Variants in DNAH11 observed in about 807,000 individuals in gnomAD.
The protein encoded by DNAH11 is axonemal beta dynein heavy chain 11.
In DNAH11, 442 loss-of-function variants were observed where a neutral mutation model predicts 526.0. The observed-to-expected ratio is 0.84, with a 90% CI of 0.78 to 0.91. DNAH11 has a LOEUF of 0.91. Among genes scored for constraint, DNAH11 ranks in the 40% least tolerant of loss-of-function variants. The pLI is 0.00. For synonymous variants in DNAH11, 2,461 were observed against 1,935.9 expected (o/e 1.27, Z -7.12); for missense variants, 6,989 against 5,448.7 (o/e 1.28, Z -8.90).
At chr7:21,722,984 A>AT (rs1784941388) in intron 44 of DNAH11, among the ~76,000 whole-genome samples, 1 of 152,156 alleles carries the variant, frequency 6.6e-6, no homozygotes, top group Non-Finnish European at 1.5e-5. Flanking sequence ...CCCCCTAGTT[A>AT]TATAAGCTAG....
chr7:21,679,232 G>A (rs1268331772), intron 30 of DNAH11, among the ~76,000 whole-genome samples: 4 of 152,110 alleles, frequency 2.6e-5, no homozygotes, highest in Non-Finnish European at 5.9e-5. Flanking sequence ...GTTACCAGAG[G>A]ATAGGGATGG....
intron 55 of DNAH11, among the ~76,000 whole-genome samples, chr7:21,765,937 C>G (rs1314539717): frequency 4.6e-5 from 7 of 152,126 alleles, no homozygotes; most frequent in Admixed American, 4.6e-4. Flanking sequence ...GATTATAAAT[C>G]CTTTAAGTCC....
chr7:21,898,089 TC>T (rs1291117804), intron 79 of DNAH11, among the ~76,000 whole-genome samples: 2 of 152,240 alleles, frequency 1.3e-5, no homozygotes, highest in African/African-American at 2.4e-5. Flanking sequence ...TCCTACCTGA[TC>T]CCTTCTAAGT....
rs1562615761 is a variant in DNAH11 at position 21,901,557 on chromosome 7, A to C, written c.*303A>C. 4.5e-6 allele frequency: 1 copy of C among 221,414 alleles called. No individual in the cohort carries two copies. Among genetic ancestry groups the C allele is most frequent in the South Asian group, 1.8e-4 (1 of 5,602 alleles). 13.7% of individuals were successfully genotyped at this position (221,414 alleles called of 1,614,324 possible). ...GCACTCCCTCCTGGGCAACAGAACA[A>C]GACTCCATCTCAAAAAAAAAAAAGT... is the stretch of plus-strand genomic sequence containing the variant. On this transcript the variant is annotated 3_prime_UTR_variant, in exon 82 of 82. Transcript: ENST00000409508.
intron 28 of DNAH11, among the ~76,000 whole-genome samples, chr7:21,640,276 T>A (rs949962551): frequency 6.6e-6 from 1 of 152,254 alleles, no homozygotes; most frequent in Non-Finnish European, 1.5e-5. Flanking sequence ...AAAACTATTT[T>A]GAAACATAAT....
At chr7:21,808,583 T>G (rs1226904475) in intron 63 of DNAH11, among the ~76,000 whole-genome samples, 1 of 152,178 alleles carries the variant, frequency 6.6e-6, no homozygotes, top group Non-Finnish European at 1.5e-5. Context: ...CATTCTACTC[T>G]CTACCTCCAT....
At position 21,561,138 on chromosome 7, in the gene DNAH11, C is replaced by G. The variant is rs1344091460; in HGVS notation, c.950C>G (p.Thr317Ser). The G allele has an allele frequency of 6.3e-7, 1 of 1,599,874 alleles. No individual in the cohort carries two copies. Among genetic ancestry groups the G allele is most frequent in the Non-Finnish European group, 8.5e-7 (1 of 1,172,630 alleles). Residue 317 changes from threonine to serine, a missense_variant, in exon 5 of 82, where the codon ACT becomes AGT. By Grantham distance (58) the Thr-to-Ser change is moderately conservative. Coordinates refer to ENST00000409508, the MANE Select transcript of DNAH11 (RefSeq NM_001277115.2). ...LTTKQSSYFP[T>S]LKDIFLAVEN... ...ACTAAACAAAGCAGCTATTTTCCTA[C>G]TCTGAAGGACATTTTTCTGGCTGTG...
At chr7:21,707,646 C>T (rs1784320258) in intron 39 of DNAH11, 53 bp from the exon 40 acceptor site, 6 of 1,572,714 alleles carry the variant, frequency 3.8e-6, no homozygotes, top group Non-Finnish European at 5.2e-6. Context: ...TTTTACTTTC[C>T]ATTTGGCTTA....
chr7:21,565,078 T>G (rs1017724920), intron 6 of DNAH11, among the ~76,000 whole-genome samples: 1 of 152,190 alleles, frequency 6.6e-6, no homozygotes, highest in Non-Finnish European at 1.5e-5. Context: ...CTTAATCTTC[T>G]CAGGCTGCCA....
chr7:21,728,237 CTTTTTTTTTTTTTTTTTTTTTTTTTT>C (rs71026816), intron 45 of DNAH11, among the ~76,000 whole-genome samples: 1 of 58,870 alleles, frequency 1.7e-5, no homozygotes. Context: ...GCCCACAATT[CTTTTTTTTTTTTTTTTTTTTTTTTTT>C]TTTTTTTTTT....
Position 21,591,321 on chromosome 7 carries a change from C to T in DNAH11, c.2411C>T (p.Thr804Ile), listed in dbSNP as rs1414145192. Residue 804 changes from threonine to isoleucine, a missense_variant, in exon 14 of 82, where the codon ACA (threonine) becomes ATA (isoleucine). By Grantham distance (89) the Thr-to-Ile change is moderately conservative. Transcript: ENST00000409508. ...CTGACAGCAGCCACAACGTGGCTGA[C>T]ATGGCAGGATGACTGCTGGGGCTAC... ...EQLTAATTWL[T>I]WQDDCWGYIE... is the part of the protein sequence containing the mutation. The T allele has an allele frequency of 1.2e-6, 2 of 1,613,776 alleles. No individual in the cohort carries two copies. Among genetic ancestry groups the T allele is most frequent in the Non-Finnish European group, 1.7e-6 (2 of 1,179,852 alleles).
intron 20 of DNAH11, among the ~76,000 whole-genome samples, chr7:21,608,477 G>A (rs1785389286): frequency 6.6e-6 from 1 of 152,138 alleles, no homozygotes; most frequent in Non-Finnish European, 1.5e-5. Flanking sequence ...GGATGCGGCT[G>A]ACAGAGCCCT....
rs78399955 is a variant in DNAH11, at chr7:21,705,611, A to G, written c.6546+74A>G. On this transcript the variant is annotated intron_variant, in intron 39 of 81. Transcript: ENST00000409508. ...GTCATTGTGGTTCGGCCTATTTTCAATGCTACTCAAAAGAATTCCCCTCCA... is the reference window on the plus strand; with the variant it reads ...GTCATTGTGGTTCGGCCTATTTTCAGTGCTACTCAAAAGAATTCCCCTCCA... 2.0e-4 allele frequency: 283 copies of G among 1,448,668 alleles called. 1 individual carries two copies. In the African/African-American group the frequency reaches 3.1e-3, roughly 16 times the overall value. The allele number at this position is 1,448,668 out of a possible 1,614,324, so 89.7% of individuals were successfully genotyped here. A position where few individuals can be genotyped will look rare whatever the true frequency, so the allele number is the denominator to read the frequency against.
At chr7:21,702,474 G>A (rs922077769) in intron 36 of DNAH11, among the ~76,000 whole-genome samples, 3 of 151,362 alleles carry the variant, frequency 2.0e-5, no homozygotes, top group South Asian at 4.2e-4. Flanking sequence ...GCAGTTAAGC[G>A]CTATGGAAAG....
intron 66 of DNAH11, among the ~76,000 whole-genome samples, chr7:21,845,534 T>C (rs1362286607): frequency 2.0e-5 from 3 of 152,134 alleles, no homozygotes; most frequent in Non-Finnish European, 2.9e-5. Context: ...TATGAATAGA[T>C]CAGTTGGATC....
Position 21,744,487 on chromosome 7 carries a change from T to C in DNAH11, c.8204T>C (p.Ile2735Thr). The C allele has an allele frequency of 6.2e-7, 1 of 1,613,950 alleles. No individual in the cohort carries two copies. The highest frequency in any genetic ancestry group is 8.5e-7 in the Non-Finnish European group (1 of 1,179,846). ...TGTTTAAAAGGTCCACTTGATTTAA[T>C]ACATCTGTGGCTTCATGAATCTGCC... ...PECLKGPLDLIHLWLHESARV... is the reference protein window; with the variant it reads ...PECLKGPLDLTHLWLHESARV... Residue 2735 changes from isoleucine to threonine, a missense_variant, in exon 50 of 82, where the codon ATA becomes ACA. Ile to Thr is a moderately conservative substitution (Grantham distance 89). Coordinates refer to ENST00000409508, the MANE Select transcript of DNAH11 (RefSeq NM_001277115.2).
intron 76 of DNAH11, 43 bp downstream of exon 76, chr7:21,884,453 C>A: frequency 6.4e-7 from 1 of 1,559,462 alleles, no homozygotes; most frequent in Non-Finnish European, 8.7e-7. Context: ...TTTCACTGAG[C>A]AAAAAATTCT....
chr7:21,667,841 C>T (rs1163609018), intron 30 of DNAH11, among the ~76,000 whole-genome samples: 1 of 152,010 alleles, frequency 6.6e-6, no homozygotes, highest in Non-Finnish European at 1.5e-5. Flanking sequence ...TCTATGAATA[C>T]TTTTTCTAGA....
intron 75 of DNAH11, 68 bp from the exon 76 acceptor site, chr7:21,884,223 C>G (rs1784038217): frequency 6.9e-7 from 1 of 1,449,314 alleles, no homozygotes; most frequent in Non-Finnish European, 9.2e-7. Flanking sequence ...GGGGCACGTG[C>G]TACTGGTTGG....
Sources: gnomAD v4.1 joint callset for allele counts (sites outside exome capture counted in the v4.1 genomes callset) on GRCh38, gnomAD v4.1.1 for gene constraint, MANE v1.5 for transcripts, NCBI Gene and HGNC (gene_info 2026-07-23, HGNC 2026-07-21) for gene names.